Variants in VPS9D1 observed in about 807,000 individuals in gnomAD.
VPS9D1 encodes the protein VPS9 domain-containing protein 1.
Under a neutral mutation model 75.8 loss-of-function variants are expected in VPS9D1, and 78 were observed. That is an observed-to-expected ratio of 1.03 (90% CI 0.86 to 1.24). The LOEUF is 1.24. Among genes scored for constraint, VPS9D1 ranks in the 50% most tolerant of loss-of-function variants. The probability of loss-of-function intolerance (pLI) is 0.00; values close to 1 mark genes in which losing one functional copy is unlikely to be tolerated. For missense variants in VPS9D1, 1,057 were observed against 847.7 expected (o/e 1.25, Z -3.07); for synonymous variants, 481 against 385.6 (o/e 1.25, Z -2.90).
chr16:89,711,581 G>A, intron 8 of VPS9D1, 169 bp from the exon 9 acceptor site: 1 of 586,462 alleles, frequency 1.7e-6, no homozygotes, highest in South Asian at 2.0e-5. Flanking sequence ...CCACACCCGA[G>A]GGAAACCTTA....
At chr16:89,716,053 A>C (rs1437999996) in intron 4 of VPS9D1, among the ~76,000 whole-genome samples, 1 of 149,540 alleles carries the variant, frequency 6.7e-6, no homozygotes, top group Admixed American at 6.7e-5. Flanking sequence ...GGCCAGGCGC[A>C]GTGGCTCATG....
Position 89,711,407 on chromosome 16 carries a change from C to T in VPS9D1, c.753G>A (p.Trp251Ter), listed in dbSNP as rs769583627. ...TGAGCTTGGCCTTCCAGTGCTTCGG[C>T]CAGTCCTACGGGACAGGGGGCCTTG... ...AILEYEQDHD[W>*]PKHWKAKLKR... Residue 251 changes from tryptophan (W) to a stop codon, truncating the protein, a stop_gained, in exon 9 of 15, where the codon TGG becomes TGA. Transcript: ENST00000389386. LOFTEE classifies it high-confidence loss of function. 3.7e-6 allele frequency: 6 copies of T among 1,606,570 alleles called. No homozygotes were observed. The African/African-American group carries it at 8.0e-5, about 21-fold the overall frequency.
intron 8 of VPS9D1, 130 bp downstream of exon 8, chr16:89,711,752 T>G: frequency 2.8e-6 from 3 of 1,090,036 alleles, no homozygotes; most frequent in Admixed American, 3.0e-5. Flanking sequence ...CCCACGGGCC[T>G]CTGGCCCCGC....
chr16:89,719,115 AAG>A lies in VPS9D1; in HGVS notation c.100-15_100-14del, dbSNP rs756772104. ...CCGTGTATGCCTCCTGTGTCCAGGA[AAG>A]AGAAAGAGTGGGGTCAGGCCAGTGG... On this transcript the variant is annotated splice_polypyrimidine_tract_variant and intron_variant, in intron 1 of 14. Coordinates refer to ENST00000389386, the MANE Select transcript of VPS9D1 (RefSeq NM_004913.3). 1.4e-5 allele frequency: 23 copies of A among 1,612,620 alleles called. No homozygotes were observed. The highest frequency in any genetic ancestry group is 1.7e-5 in the Non-Finnish European group (20 of 1,179,228).
chr16:89,713,401 C>T (rs1410814267), intron 4 of VPS9D1, among the ~76,000 whole-genome samples: 5 of 151,594 alleles, frequency 3.3e-5, no homozygotes, highest in Admixed American at 6.6e-5. Flanking sequence ...ACTACAGGTG[C>T]CCGCCACTAT....
At chr16:89,715,800 C>G (rs1218032210) in intron 4 of VPS9D1, among the ~76,000 whole-genome samples, 1 of 152,064 alleles carries the variant, frequency 6.6e-6, no homozygotes, top group Non-Finnish European at 1.5e-5. Context: ...ACTCAGCCTC[C>G]TGAGTAGCTG....
At chr16:89,714,516 G>A (rs1470484655) in intron 4 of VPS9D1, among the ~76,000 whole-genome samples, 1 of 152,230 alleles carries the variant, frequency 6.6e-6, no homozygotes, top group Non-Finnish European at 1.5e-5. Context: ...AAGGAGGAAA[G>A]TCAGAGCCTG....
chr16:89,711,811 A>T (rs28588261), intron 8 of VPS9D1, 71 bp downstream of exon 8: 584,813 of 1,486,620 alleles, frequency 0.39, 118,900 homozygotes, highest in East Asian at 0.54. Context: ...ACGGGGGCCC[A>T]CCCAGGCGGC....
At chr16:89,711,642 C>G (rs1156333233) in intron 8 of VPS9D1, 8 of 655,648 alleles carry the variant, frequency 1.2e-5, no homozygotes, top group Non-Finnish European at 2.0e-5. Flanking sequence ...CTCGCAGGGA[C>G]CCTCCCTCCT....
intron 10 of VPS9D1, 58 bp from the exon 11 acceptor site, chr16:89,709,964 G>A (rs1051650830): frequency 1.3e-6 from 2 of 1,535,462 alleles, no homozygotes; most frequent in Non-Finnish European, 1.7e-6. Context: ...GGGTCAAGTG[G>A]CTCTAAGCCA....
At position 89,710,770 on chromosome 16, in the gene VPS9D1, G is replaced by T; in HGVS notation, c.1074C>A (p.Gly358=). The T allele has an allele frequency of 6.4e-7, 1 of 1,559,264 alleles. No homozygotes were observed. Among genetic ancestry groups the T allele is most frequent in the South Asian group, 1.2e-5 (1 of 85,174 alleles). Residue 358 remains glycine (G), a synonymous_variant, in exon 10 of 15, where the codon GGC becomes GGA. Transcript: ENST00000389386. ...DSPPTPPLQP[G]PVGSPSPLGD... ...CCAGGGGTGAGGGAGACCCCACGGG[G>T]CCGGGTTGGAGTGGGGGCGTGGGGG...
chr16:89,708,740 C>G, intron 13 of VPS9D1, 117 bp downstream of exon 13: 2 of 1,232,754 alleles, frequency 1.6e-6, no homozygotes, highest in Non-Finnish European at 2.2e-6. Context: ...GGCCCTCCTG[C>G]TTCTACAGTG....
At chr16:89,718,534 G>C (rs12928364) in intron 2 of VPS9D1, among the ~76,000 whole-genome samples, 3,544 of 152,088 alleles carry the variant, frequency 0.023, 194 homozygotes, top group East Asian at 0.23. Flanking sequence ...TATCCACAAC[G>C]CTGGTCCCTT....
chr16:89,708,038 C>T (rs2060830799), intron 14 of VPS9D1, 84 bp from the exon 15 acceptor site: 4 of 1,379,820 alleles, frequency 2.9e-6, no homozygotes, highest in Non-Finnish European at 4.1e-6. Flanking sequence ...GTCTGCCCTC[C>T]CAGTTCAGGA....
In VPS9D1 at chr16:89,711,884, G is replaced by T. The variant is rs1190126494; in HGVS notation, c.745C>A (p.His249Asn). The T allele has an allele frequency of 6.4e-7, 1 of 1,550,706 alleles. No homozygotes were observed. ...YAAILEYEQD[H>N]DWPKHWKAKL... ...GCCTGGGCCCGTGGGGGACGCACAT[G>T]GTCCTGTTCGTACTCCAGGATGGCG... The change falls in exon 8 of 15, where the codon CAT becomes AAT. Residue 249 changes from histidine to asparagine, a missense_variant and splice_region_variant. Transcript: ENST00000389386.
intron 9 of VPS9D1, 71 bp downstream of exon 9, chr16:89,711,256 G>A (rs1421471760): frequency 1.3e-6 from 2 of 1,490,668 alleles, no homozygotes; most frequent in African/African-American, 1.4e-5. Flanking sequence ...CCCCTCTCCG[G>A]CACCTGGCAC....
chr16:89,709,807 G>T lies in VPS9D1; in HGVS notation c.1358C>A (p.Pro453Gln), dbSNP rs369176447. ...CAGGGCCAGCAGCAGAGGCCACAGC[G>T]GGGAGAAAAAGGGTTCCTCAATGCA... The part of the protein sequence containing the change: ...LACIEEPFFS[P>Q]LWPLLLALYR... The change falls in exon 11 of 15, where the codon CCG becomes CAG. Residue 453 changes from proline to glutamine, a missense_variant. Coordinates refer to ENST00000389386, the MANE Select transcript of VPS9D1 (RefSeq NM_004913.3). 2 of 1,613,662 alleles carry T rather than the reference G, an allele frequency of 1.2e-6. No homozygotes were observed. Among genetic ancestry groups the T allele is most frequent in the Middle Eastern group, 1.7e-4 (1 of 6,058 alleles).
chr16:89,713,828 G>T (rs747320105), intron 4 of VPS9D1, among the ~76,000 whole-genome samples: 3 of 151,546 alleles, frequency 2.0e-5, no homozygotes, highest in Non-Finnish European at 4.4e-5. Flanking sequence ...CTAACATGGT[G>T]AAACCCCGTC....
Position 89,710,958 on chromosome 16 carries a change from A to C in VPS9D1, c.886T>G (p.Tyr296Asp). Residue 296 changes from tyrosine (Y) to aspartate (D), a missense_variant, in exon 10 of 15, where the codon TAC becomes GAC. By Grantham distance (160) the Tyr-to-Asp change is radical (BLOSUM62 -3). Coordinates refer to ENST00000389386, the MANE Select transcript of VPS9D1 (RefSeq NM_004913.3). ...QLLRRLQCSV[Y>D]SALYPAVSRA... Reference sequence around the variant, plus strand: ...CTCACGGCGGGATACAGGGCGCTGTACACGGAGCACTGCAGCCGCCTCAGG... The same window carrying C: ...CTCACGGCGGGATACAGGGCGCTGTCCACGGAGCACTGCAGCCGCCTCAGG... 1 of 1,456,522 alleles carries C rather than the reference A, an allele frequency of 6.9e-7. No individual in the cohort carries two copies. The allele number at this position is 1,456,522 out of a possible 1,614,324, so 90.2% of individuals were successfully genotyped here.
Sources: allele counts gnomAD v4.1 joint callset (sites outside exome capture counted in the v4.1 genomes callset), GRCh38; gene constraint gnomAD v4.1.1; transcripts MANE v1.5; gene names NCBI Gene and HGNC (gene_info 2026-07-23, HGNC 2026-07-21).